Variants in ASRGL1 observed in about 807,000 individuals in gnomAD.
The protein encoded by ASRGL1 is isoaspartyl peptidase/L-asparaginase.
Under a neutral mutation model 22.4 loss-of-function variants are expected in ASRGL1, and 16 were observed. The ratio of observed to expected loss-of-function variants is 0.71; its 90% CI spans 0.48 to 1.08. ASRGL1 has a LOEUF of 1.08. Ranked by LOEUF, ASRGL1 falls within the 50% of genes least tolerant of loss-of-function variation. The pLI is 0.00. For synonymous variants in ASRGL1, 165 were observed against 159.3 expected, an observed-to-expected ratio of 1.04 and a Z score of -0.27; for missense variants, 412 against 410.1, an observed-to-expected ratio of 1.00 and a Z score of -0.04.
At position 62,392,236 on chromosome 11, in the gene ASRGL1, G is replaced by A. The variant is rs199898607; in HGVS notation, c.879G>A (p.Leu293=). The part of the protein sequence containing the change: ...MPWAAAKDGK[L]HFGIDPDDTT... ...GGGCAGCCGCCAAGGACGGCAAGCT[G>A]CACTTCGGAATTGATCCTGACGATA... The change falls in exon 7 of 7, where the codon CTG becomes CTA. Residue 293 remains leucine (L), a synonymous_variant. Transcript: ENST00000415229. The A allele has an allele frequency of 1.9e-6, 3 of 1,614,176 alleles. No homozygotes were observed. Among genetic ancestry groups the A allele is most frequent in the Non-Finnish European group, 2.5e-6 (3 of 1,180,036 alleles).
chr11:62,348,138 C>T (rs1250472650), intron 2 of ASRGL1, among the ~76,000 whole-genome samples: 1 of 152,128 alleles, frequency 6.6e-6, no homozygotes, highest in Non-Finnish European at 1.5e-5. Context: ...TATGCAAATA[C>T]TATGCCATTT....
intron 4 of ASRGL1, among the ~76,000 whole-genome samples, chr11:62,363,478 C>T (rs184447636): frequency 1.4e-3 from 219 of 152,214 alleles, no homozygotes; most frequent in Non-Finnish European, 1.9e-3. Context: ...GAATAACATT[C>T]TCCTGTTTTT....
intron 4 of ASRGL1, among the ~76,000 whole-genome samples, chr11:62,358,139 C>T (rs544884225): frequency 1.1e-4 from 17 of 152,236 alleles, no homozygotes; most frequent in Admixed American, 3.9e-4. Context: ...GAGGCCGAGG[C>T]GGACGGATTG....
intron 4 of ASRGL1, chr11:62,372,961 G>A (rs368828767): frequency 4.7e-6 from 7 of 1,482,166 alleles, no homozygotes; most frequent in Non-Finnish European, 6.6e-6. Flanking sequence ...AGCACCATCA[G>A]CTGGGGCCCA....
rs201654170 is a variant in ASRGL1, at chr11:62,363,626, C to T, written c.491+6482C>T. Reference sequence around the variant, plus strand: ...AAGTTAAAAATTTTAATGCACTCTGCAATCACAATTTATATATAAATCCAT... The same window carrying T: ...AAGTTAAAAATTTTAATGCACTCTGTAATCACAATTTATATATAAATCCAT... On this transcript the variant is annotated intron_variant, in intron 4 of 6. Coordinates refer to ENST00000415229, the MANE Select transcript of ASRGL1 (RefSeq NM_001083926.2). Among the ~76,000 whole-genome samples the T allele has an allele frequency of 3.3e-5, 5 of 152,224 alleles. No individual in the cohort carries two copies. The East Asian group carries it at 7.7e-4, about 24-fold the overall frequency.
rs751622412 is a variant in ASRGL1, at chr11:62,338,133, C to T, written c.156C>T (p.Val52=). 3.1e-6 allele frequency: 5 copies of T among 1,593,416 alleles called. No individual in the cohort carries two copies. The highest frequency in any genetic ancestry group is 1.8e-5 in the Admixed American group (1 of 56,174). ...GSAVDAVEGA[V]VALEDDPEFN... ...CCGTGGATGCCGTAGAGGGAGCTGT[C>T]GTCGCCCTGGAAGACGATCCCGAGT... Residue 52 remains valine, a synonymous_variant, in exon 2 of 7, where the codon GTC becomes GTT. Coordinates refer to ENST00000415229, the MANE Select transcript of ASRGL1 (RefSeq NM_001083926.2).
At chr11:62,338,523 G>A (rs192910917) in intron 2 of ASRGL1, among the ~76,000 whole-genome samples, 413 of 152,250 alleles carry the variant, frequency 2.7e-3, no homozygotes, top group Non-Finnish European at 5.1e-3. Context: ...TGGTTTCCAG[G>A]TCATAGTTAA....
At chr11:62,349,184 G>T (rs1482115340) in intron 2 of ASRGL1, among the ~76,000 whole-genome samples, 3 of 152,110 alleles carry the variant, frequency 2.0e-5, no homozygotes, top group Non-Finnish European at 4.4e-5. Context: ...GGCCAGGCTG[G>T]TCTCGAACTC....
intron 2 of ASRGL1, among the ~76,000 whole-genome samples, chr11:62,345,807 A>G (rs139973341): frequency 2.0e-4 from 31 of 152,274 alleles, no homozygotes; most frequent in African/African-American, 7.5e-4. Flanking sequence ...CAGTGTTTCC[A>G]CAGAGACTCT....
intron 4 of ASRGL1, among the ~76,000 whole-genome samples, chr11:62,364,154 G>A (rs1258495350): frequency 1.8e-5 from 1 of 55,208 alleles, no homozygotes; most frequent in Non-Finnish European, 3.4e-5. Context: ...GTAAGAGTCC[G>A]TCTCAAAAAA....
At chr11:62,361,919 C>T (rs1370313277) in intron 4 of ASRGL1, among the ~76,000 whole-genome samples, 2 of 152,080 alleles carry the variant, frequency 1.3e-5, no homozygotes, top group African/African-American at 4.8e-5. Context: ...TTTATATCTC[C>T]TCCTTAAAGT....
intron 4 of ASRGL1, among the ~76,000 whole-genome samples, chr11:62,374,227 TC>T (rs1003774112): frequency 1.3e-5 from 2 of 151,980 alleles, no homozygotes; most frequent in Non-Finnish European, 2.9e-5. Context: ...TACCAAAGAG[TC>T]CCCTTCCTCA....
Position 62,343,918 on chromosome 11 carries a change from C to CTTTTTTT in ASRGL1, c.190+5766_190+5772dup, listed in dbSNP as rs34446979. Among the ~76,000 whole-genome samples, 231 of 100,660 alleles carry CTTTTTTT rather than the reference C, an allele frequency of 2.3e-3. 1 individual carries two copies. Among genetic ancestry groups the CTTTTTTT allele is most frequent in the Middle Eastern group, 7.5e-3 (1 of 134 alleles). The allele number at this position is 100,660 out of a possible 152,430, so 66.0% of individuals were successfully genotyped here. On this transcript the variant is annotated intron_variant, in intron 2 of 6. Transcript: ENST00000415229. ...TCATGTGCTTTTTTGTCATGCATTT[C>CTTTTTTT]TTTTTTTTTTTTTTTTTTTTTCTTT...
chr11:62,343,099 C>T (rs897986922), intron 2 of ASRGL1, among the ~76,000 whole-genome samples: 15 of 152,200 alleles, frequency 9.9e-5, no homozygotes, highest in Admixed American at 2.6e-4. Context: ...AACTACTGGC[C>T]GGGCGCGGTG....
chr11:62,348,453 C>T, intron 2 of ASRGL1, among the ~76,000 whole-genome samples: 1 of 152,158 alleles, frequency 6.6e-6, no homozygotes. Context: ...CCTGTAATCC[C>T]AGCACTTTGG....
chr11:62,371,996 T>C, intron 4 of ASRGL1: 1 of 673,772 alleles, frequency 1.5e-6, no homozygotes, highest in Non-Finnish European at 2.7e-6. Flanking sequence ...GGAAGCTGCG[T>C]ACGGCAATAT....
At chr11:62,391,880 G>T in intron 6 of ASRGL1, 199 bp from the exon 7 acceptor site, 5 of 742,530 alleles carry the variant, frequency 6.7e-6, no homozygotes, top group Non-Finnish European at 1.1e-5. Flanking sequence ...CTGGATGTGG[G>T]AGGGAAGACC....
At chr11:62,372,858 A>G in intron 4 of ASRGL1, 4 of 1,603,350 alleles carry the variant, frequency 2.5e-6, no homozygotes, top group Middle Eastern at 2.0e-4. Flanking sequence ...CCATGAATCT[A>G]CCATGTACCC....
intron 4 of ASRGL1, 155 bp downstream of exon 4, chr11:62,357,299 G>T: frequency 1.1e-6 from 1 of 899,676 alleles, no homozygotes; most frequent in Non-Finnish European, 1.6e-6. Flanking sequence ...GCCCAGACTG[G>T]AGTACAGTGG....
Sources: gnomAD v4.1 joint callset for allele counts (sites outside exome capture counted in the v4.1 genomes callset) on GRCh38, gnomAD v4.1.1 for gene constraint, MANE v1.5 for transcripts, NCBI Gene and HGNC (gene_info 2026-07-23, HGNC 2026-07-21) for gene names.